SAMD13: variants seen among roughly 807,000 people sequenced by gnomAD.
SAMD13 encodes the protein sterile alpha motif domain-containing protein 13.
SAMD13 carries 9 observed loss-of-function variants against 12.4 expected under a neutral mutation model. The observed-to-expected ratio is 0.72, with a 90% CI of 0.44 to 1.26. The LOEUF (loss-of-function observed/expected upper bound fraction) is 1.26, where lower values mean the gene tolerates loss of function less well. Ranked by LOEUF, SAMD13 falls within the 50% of genes most tolerant of loss-of-function variation. The probability of loss-of-function intolerance (pLI) is 0.00; values close to 1 mark genes in which losing one functional copy is unlikely to be tolerated. For missense variants in SAMD13, 84 were observed against 119.6 expected (o/e 0.70, Z 1.39); for synonymous variants, 46 against 45.4 (o/e 1.01, Z -0.05).
chr1:84,311,278 T>C (rs1002274277), intron 2 of SAMD13, among the ~76,000 whole-genome samples: 3 of 149,200 alleles, frequency 2.0e-5, no homozygotes, highest in African/African-American at 5.0e-5. Flanking sequence ...AGAGGTTACA[T>C]TGAGCTGAGA....
At chr1:84,314,031 G>A (rs551619930) in intron 2 of SAMD13, among the ~76,000 whole-genome samples, 1 of 152,088 alleles carries the variant, frequency 6.6e-6, no homozygotes, top group Non-Finnish European at 1.5e-5. Flanking sequence ...GGATTAGAAA[G>A]TGAATGACAG....
chr1:84,344,643 C>A, intron 3 of SAMD13: 2 of 304,334 alleles, frequency 6.6e-6, no homozygotes, highest in South Asian at 6.2e-5. Flanking sequence ...CAAAAATAAA[C>A]CCTGTCTTGG....
In SAMD13 at chr1:84,333,345, G is replaced by A. The variant is rs1679230736; in HGVS notation, c.165+7597G>A. Among the ~76,000 whole-genome samples the A allele has an allele frequency of 2.6e-5, 4 of 152,134 alleles. No individual in the cohort carries two copies. In the South Asian group the frequency reaches 8.3e-4, roughly 32 times the overall value. On this transcript the variant is annotated intron_variant, in intron 3 of 3. Transcript: ENST00000394834. Reference sequence around the variant, plus strand: ...ATCGATTATTTTTATCCAAGAGCATGGAATGTTGTTCCATTTGTTTGTGTC... The same window carrying A: ...ATCGATTATTTTTATCCAAGAGCATAGAATGTTGTTCCATTTGTTTGTGTC...
chr1:84,333,241 T>C (rs1265970165), intron 3 of SAMD13, among the ~76,000 whole-genome samples: 1 of 152,230 alleles, frequency 6.6e-6, no homozygotes, highest in East Asian at 1.9e-4. Flanking sequence ...TCCAGTTCTG[T>C]GAAGAATGTC....
At chr1:84,339,545 C>T (rs910552824) in intron 3 of SAMD13, among the ~76,000 whole-genome samples, 1 of 152,098 alleles carries the variant, frequency 6.6e-6, no homozygotes, top group Non-Finnish European at 1.5e-5. Context: ...TGGTTAGCAA[C>T]CTGCTTTACT....
At chr1:84,317,456 G>A (rs1558445881) in intron 2 of SAMD13, among the ~76,000 whole-genome samples, 2 of 151,430 alleles carry the variant, frequency 1.3e-5, no homozygotes, top group Non-Finnish European at 2.9e-5. Context: ...TTTTATCTTA[G>A]ACGATCGTGT....
intron 2 of SAMD13, among the ~76,000 whole-genome samples, chr1:84,309,291 A>G (rs1678656163): frequency 6.6e-6 from 1 of 152,176 alleles, no homozygotes; most frequent in Non-Finnish European, 1.5e-5. Context: ...GTTTGGTTTT[A>G]AGGAGTCTTG....
At chr1:84,349,524 AGCTTGG>A in intron 3 of SAMD13, 101 bp from the exon 4 acceptor site, 1 of 1,494,918 alleles carries the variant, frequency 6.7e-7, no homozygotes, top group Non-Finnish European at 8.9e-7. Context: ...TAATGTTTTT[AGCTTGG>A]GCACAAGTGG....
intron 3 of SAMD13, among the ~76,000 whole-genome samples, chr1:84,343,255 G>A (rs1367231305): frequency 6.6e-6 from 1 of 152,214 alleles, no homozygotes. Context: ...CACTGTTGGT[G>A]TGAATGTAAA....
intron 3 of SAMD13, among the ~76,000 whole-genome samples, chr1:84,333,666 A>G (rs1188596823): frequency 6.6e-6 from 1 of 152,086 alleles, no homozygotes; most frequent in African/African-American, 2.4e-5. Context: ...TCATCTGCAA[A>G]CAAGAATAGT....
At chr1:84,310,068 G>A (rs1282134036) in intron 2 of SAMD13, among the ~76,000 whole-genome samples, 1 of 152,014 alleles carries the variant, frequency 6.6e-6, no homozygotes, top group Non-Finnish European at 1.5e-5. Context: ...CTGTCCAACA[G>A]AAATAAAATC....
chr1:84,324,572 G>A (rs315556), intron 2 of SAMD13, among the ~76,000 whole-genome samples: 1 of 151,996 alleles, frequency 6.6e-6, no homozygotes, highest in Admixed American at 6.5e-5. Flanking sequence ...TGTAAGGCCC[G>A]TAAGAATAAG....
chr1:84,343,582 T>A (rs1679472122), intron 3 of SAMD13, among the ~76,000 whole-genome samples: 1 of 152,194 alleles, frequency 6.6e-6, no homozygotes, highest in Non-Finnish European at 1.5e-5. Flanking sequence ...GAAGCCATTA[T>A]CCTCAGCAAA....
At position 84,334,044 on chromosome 1, in the gene SAMD13, G is replaced by C. The variant is rs113942077; in HGVS notation, c.165+8296G>C. 7.7e-3 allele frequency among the ~76,000 whole-genome samples: 1,167 copies of C among 152,154 alleles called. 6 individuals are homozygous for C. Among genetic ancestry groups the C allele is most frequent in the Non-Finnish European group, 0.013 (891 of 67,978 alleles). Reference sequence around the variant, plus strand: ...TTTGTTGTATCTCTGCCAGGTTCTGGTATCAAAATGATTTTGGCCTCATAG... The same window carrying C: ...TTTGTTGTATCTCTGCCAGGTTCTGCTATCAAAATGATTTTGGCCTCATAG... On this transcript the variant is annotated intron_variant, in intron 3 of 3. Transcript: ENST00000394834.
Position 84,325,694 on chromosome 1 carries a change from C to T in SAMD13, c.111C>T (p.Val37=). Reference sequence around the variant, plus strand: ...CAGACTGGGCCGTGATGGATGTCGTCAATTATTTCCGAACCGTGGGATTTG... The same window carrying T: ...CAGACTGGGCCGTGATGGATGTCGTTAATTATTTCCGAACCGTGGGATTTG... ...DPADWAVMDV[V]NYFRTVGFEE... Residue 37 remains valine (V), a synonymous_variant, in exon 3 of 4, where the codon GTC becomes GTT. Transcript: ENST00000394834. 1.2e-6 allele frequency: 2 copies of T among 1,613,458 alleles called. No homozygotes were observed. Among genetic ancestry groups the T allele is most frequent in the East Asian group, 2.2e-5 (1 of 44,872 alleles).
intron 2 of SAMD13, among the ~76,000 whole-genome samples, chr1:84,315,036 C>G (rs1398036834): frequency 7.1e-6 from 1 of 141,396 alleles, no homozygotes; most frequent in African/African-American, 2.6e-5. Flanking sequence ...TTCTTTCTCT[C>G]TCTTTGTTTT....
chr1:84,321,819 G>GGCTTACGCTTGTTATGTTATT (rs1678952595), intron 2 of SAMD13, among the ~76,000 whole-genome samples: 4 of 152,100 alleles, frequency 2.6e-5, no homozygotes, highest in Admixed American at 1.3e-4. Context: ...CCTTCCACTT[G>GGCTTACGCTTGTTATGTTATT]GCTTACGCTT....
intron 3 of SAMD13, among the ~76,000 whole-genome samples, chr1:84,332,160 A>G (rs1242802277): frequency 2.0e-5 from 3 of 152,122 alleles, no homozygotes; most frequent in African/African-American, 2.4e-5. Context: ...TTGATTTCAT[A>G]TCTTTCCTAT....
upstream of SAMD13, among the ~76,000 whole-genome samples, chr1:84,298,909 C>T (rs1159407756): frequency 1.3e-5 from 2 of 152,052 alleles, no homozygotes; most frequent in African/African-American, 4.8e-5. Flanking sequence ...CCGGCTTCCC[C>T]GGGGAGCCCC....
Sources: gnomAD v4.1 joint callset for allele counts (sites outside exome capture counted in the v4.1 genomes callset) on GRCh38, gnomAD v4.1.1 for gene constraint, MANE v1.5 for transcripts, NCBI Gene and HGNC (gene_info 2026-07-23, HGNC 2026-07-21) for gene names.